The following CYRIA variants were observed in gnomAD, a reference collection of about 807,000 sequenced individuals.
CYRIA encodes CYFIP-related Rac1 interactor A.
Under a neutral mutation model 43.9 loss-of-function variants are expected in CYRIA, and 15 were observed. The observed-to-expected ratio is 0.34, with a 90% CI of 0.23 to 0.53. The LOEUF is 0.53. CYRIA is among the 20% of genes least tolerant of loss of function. The pLI is 0.94. For synonymous variants in CYRIA, 117 were observed against 136.0 expected, an observed-to-expected ratio of 0.86 and a Z score of 0.97; for missense variants, 236 against 394.2, an observed-to-expected ratio of 0.60 and a Z score of 3.40.
At chr2:16,630,526 T>G (rs10198461) in intron 1 of CYRIA, among the ~76,000 whole-genome samples, 2 of 152,000 alleles carry the variant, frequency 1.3e-5, no homozygotes, top group Admixed American at 6.5e-5. Context: ...TTAAGGTGAG[T>G]GCACCCATGT....
intron 1 of CYRIA, among the ~76,000 whole-genome samples, chr2:16,660,875 A>C (rs1017257605): frequency 6.6e-5 from 10 of 152,146 alleles, no homozygotes; most frequent in African/African-American, 2.4e-4. Context: ...GAAACATGGC[A>C]CCCATTCTCA....
At chr2:16,636,859 C>T (rs985426448) in intron 1 of CYRIA, among the ~76,000 whole-genome samples, 5 of 152,114 alleles carry the variant, frequency 3.3e-5, no homozygotes, top group Non-Finnish European at 7.4e-5. Flanking sequence ...GCCTGTAGTT[C>T]CAGCTACTAG....
At chr2:16,562,622 C>T (rs1040844790) in intron 5 of CYRIA, among the ~76,000 whole-genome samples, 5 of 152,032 alleles carry the variant, frequency 3.3e-5, no homozygotes, top group African/African-American at 1.2e-4. Flanking sequence ...AACCCATTGC[C>T]CTATCTACCT....
intron 3 of CYRIA, among the ~76,000 whole-genome samples, chr2:16,580,660 G>T (rs1378639649): frequency 1.3e-5 from 2 of 152,074 alleles, no homozygotes; most frequent in African/African-American, 4.8e-5. Context: ...AATTTACTTA[G>T]AAAAGTAAAG....
intron 1 of CYRIA, among the ~76,000 whole-genome samples, chr2:16,624,587 A>T (rs1229257314): frequency 6.6e-6 from 1 of 152,152 alleles, no homozygotes; most frequent in Non-Finnish European, 1.5e-5. Context: ...CTTCAGTGAG[A>T]AGCATATGTG....
chr2:16,649,122 A>G (rs1669897752), intron 1 of CYRIA, among the ~76,000 whole-genome samples: 1 of 152,250 alleles, frequency 6.6e-6, no homozygotes, highest in African/African-American at 2.4e-5. Context: ...TTAAAAAACA[A>G]CATAGTATAA....
At chr2:16,569,211 C>T (rs1667046893) in intron 3 of CYRIA, among the ~76,000 whole-genome samples, 1 of 152,158 alleles carries the variant, frequency 6.6e-6, no homozygotes, top group Non-Finnish European at 1.5e-5. Context: ...ACTTCAGGGG[C>T]TGTGGTAAAC....
chr2:16,583,866 G>A (rs1667636045), intron 3 of CYRIA, among the ~76,000 whole-genome samples: 1 of 152,186 alleles, frequency 6.6e-6, no homozygotes, highest in African/African-American at 2.4e-5. Flanking sequence ...AGAATGCACT[G>A]TAAAGGTCAG....
At chr2:16,569,559 T>G (rs1572465245) in intron 3 of CYRIA, among the ~76,000 whole-genome samples, 2 of 152,170 alleles carry the variant, frequency 1.3e-5, no homozygotes, top group East Asian at 3.9e-4. Context: ...GTTCCTGCCT[T>G]CTGGGCCAGA....
chr2:16,563,927 C>A, intron 5 of CYRIA, 62 bp downstream of exon 5: 2 of 1,245,020 alleles, frequency 1.6e-6, no homozygotes, highest in Admixed American at 1.9e-5. Flanking sequence ...TTCCCACTAC[C>A]TACTCAAACA....
chr2:16,553,357 T>C (rs553159908), intron 11 of CYRIA, among the ~76,000 whole-genome samples: 6 of 152,262 alleles, frequency 3.9e-5, no homozygotes, highest in African/African-American at 9.6e-5. Context: ...CATAGCAACA[T>C]TGCCCAGAAC....
intron 1 of CYRIA, among the ~76,000 whole-genome samples, chr2:16,646,527 A>C (rs1572201740): frequency 6.6e-6 from 1 of 152,190 alleles, no homozygotes; most frequent in Non-Finnish European, 1.5e-5. Context: ...TCCCTGCAAG[A>C]CCAGAGAAGC....
chr2:16,610,897 C>CATATATATATATATATATATATATATAT (rs60848949), intron 2 of CYRIA, among the ~76,000 whole-genome samples: 1 of 92,556 alleles, frequency 1.1e-5, no homozygotes, highest in Non-Finnish European at 2.3e-5. Context: ...TTAGTCCCAA[C>CATATATATATATATATATATATATATAT]ATATATATAT....
At chr2:16,612,209 T>C (rs974287522) in intron 2 of CYRIA, among the ~76,000 whole-genome samples, 4 of 151,930 alleles carry the variant, frequency 2.6e-5, no homozygotes, top group Admixed American at 1.3e-4. Flanking sequence ...AGAATGATAG[T>C]GTGAAGGCCA....
chr2:16,613,878 T>C (rs1281092290), intron 2 of CYRIA, among the ~76,000 whole-genome samples: 5 of 152,196 alleles, frequency 3.3e-5, no homozygotes, highest in Admixed American at 2.0e-4. Context: ...AAAGCATCTG[T>C]CTTGACCACT....
chr2:16,579,517 T>C (rs531221114), intron 3 of CYRIA, among the ~76,000 whole-genome samples: 1 of 152,200 alleles, frequency 6.6e-6, no homozygotes, highest in African/African-American at 2.4e-5. Flanking sequence ...GAGAAGCTTA[T>C]GGCATATATA....
At chr2:16,572,061 G>A (rs1427212422) in intron 3 of CYRIA, among the ~76,000 whole-genome samples, 1 of 152,190 alleles carries the variant, frequency 6.6e-6, no homozygotes, top group Non-Finnish European at 1.5e-5. Flanking sequence ...GAGTAGGAGG[G>A]TCAAAGTTCC....
In CYRIA at chr2:16,550,200, A is replaced by G. The variant is rs1666247271; in HGVS notation, c.*2736T>C. 6.6e-6 allele frequency: 1 copy of G among 151,960 alleles called. No individual in the cohort carries two copies. The highest frequency in any genetic ancestry group is 1.5e-5 in the Non-Finnish European group (1 of 67,974). The allele number at this position is 151,960 out of a possible 1,614,324, so 9.4% of individuals were successfully genotyped here. A position where few individuals can be genotyped will look rare whatever the true frequency, so the allele number is the denominator to read the frequency against. ...CCTCAAATATGAAATATAGTTAACA[A>G]TGACATTGACACTGTTGCTAGCACT... On this transcript the variant is annotated 3_prime_UTR_variant, in exon 12 of 12. Transcript: ENST00000381323.
chr2:16,611,566 AG>A (rs1668603273), intron 2 of CYRIA, among the ~76,000 whole-genome samples: 2 of 152,162 alleles, frequency 1.3e-5, no homozygotes, highest in African/African-American at 4.8e-5. Context: ...GTTTGGGGAA[AG>A]GAGTCTAAAA....
Sources: allele counts gnomAD v4.1 joint callset (sites outside exome capture counted in the v4.1 genomes callset), GRCh38; gene constraint gnomAD v4.1.1; transcripts MANE v1.5; gene names NCBI Gene and HGNC (gene_info 2026-07-23, HGNC 2026-07-21).